Variants in AKAP9 observed in about 807,000 individuals in gnomAD.
AKAP9 encodes the protein A-kinase anchoring protein 9.
Under a neutral mutation model 488.5 loss-of-function variants are expected in AKAP9, and 311 were observed. The observed-to-expected ratio is 0.64, with a 90% CI of 0.58 to 0.70. The LOEUF (loss-of-function observed/expected upper bound fraction) is 0.70. Ranked by LOEUF, AKAP9 falls within the 30% of genes least tolerant of loss-of-function variation. The pLI, the probability that AKAP9 is intolerant of heterozygous loss-of-function variation, is 0.00. For missense variants in AKAP9, 4,215 were observed against 4,374.5 expected (o/e 0.96, Z 1.03); for synonymous variants, 1,462 against 1,483.5 (o/e 0.99, Z 0.33).
At chr7:91,993,206 C>G in intron 5 of AKAP9, 151 bp downstream of exon 5, 1 of 765,442 alleles carries the variant, frequency 1.3e-6, no homozygotes, top group South Asian at 1.9e-5. Flanking sequence ...TTTTTTTTTT[C>G]CATACAGGGT....
intron 4 of AKAP9, 65 bp downstream of exon 4, chr7:91,992,276 A>G: frequency 7.9e-7 from 1 of 1,261,334 alleles, no homozygotes; most frequent in South Asian, 1.2e-5. Flanking sequence ...CTGGCTTACT[A>G]ACAAAACTTT....
chr7:92,032,182 G>A (rs1037653737), intron 16 of AKAP9, among the ~76,000 whole-genome samples: 3 of 152,002 alleles, frequency 2.0e-5, no homozygotes, highest in Admixed American at 2.0e-4. Flanking sequence ...TTTTCAAAAC[G>A]TGTATACCTG....
chr7:92,044,004 C>G (rs2130787934), intron 20 of AKAP9, among the ~76,000 whole-genome samples: 1 of 152,274 alleles, frequency 6.6e-6, no homozygotes, highest in East Asian at 1.9e-4. Context: ...ATCAGGCAGT[C>G]TTCTGAATCA....
intron 7 of AKAP9, among the ~76,000 whole-genome samples, chr7:91,997,962 C>T (rs763855632): frequency 7.2e-5 from 11 of 152,250 alleles, no homozygotes; most frequent in Middle Eastern, 3.4e-3. Flanking sequence ...ATGAAATGGT[C>T]TTGGTTCCCT....
chr7:91,964,027 A>G (rs971991159), intron 1 of AKAP9, among the ~76,000 whole-genome samples: 2 of 152,060 alleles, frequency 1.3e-5, no homozygotes, highest in African/African-American at 4.8e-5. Flanking sequence ...CTCAAATTCA[A>G]TTTAGGAATA....
At position 92,102,192 on chromosome 7, in the gene AKAP9, AATAAATAAATAG is replaced by A. The variant is rs1288353428; in HGVS notation, c.11098-398_11098-387del. 2.2e-3 allele frequency among the ~76,000 whole-genome samples: 336 copies of A among 149,996 alleles called. 1 individual carries two copies. The highest frequency in any genetic ancestry group is 7.6e-3 in the African/African-American group (315 of 41,210). ...AAAAAAATAAATAAATAAATAAATAAATAAATAAATAGATAGATTAGTGACCCTAATAAAAAT... is the reference window on the plus strand; with the variant it reads ...AAAAAAATAAATAAATAAATAAATAAATAGATTAGTGACCCTAATAAAAAT... On this transcript the variant is annotated intron_variant, in intron 45 of 49. Transcript: ENST00000356239.
intron 1 of AKAP9, among the ~76,000 whole-genome samples, chr7:91,966,079 T>G (rs1344082501): frequency 6.6e-6 from 1 of 152,142 alleles, no homozygotes; most frequent in South Asian, 2.1e-4. Context: ...TAGAGATAGA[T>G]CTATGTCTCA....
intron 14 of AKAP9, among the ~76,000 whole-genome samples, chr7:92,029,104 A>C (rs1803792906): frequency 6.6e-6 from 1 of 151,858 alleles, no homozygotes; most frequent in African/African-American, 2.4e-5. Flanking sequence ...CAGAAATGAA[A>C]ATTATAATTT....
Position 92,003,195 on chromosome 7 carries a change from A to G in AKAP9, c.3278A>G (p.Asp1093Gly), listed in dbSNP as rs886062471. The part of the protein sequence containing the change: ...SLRATQPSEN[D>G]KLQKELNVLK... The stretch of plus-strand genomic sequence containing the variant: ...AGAGCAACTCAACCAAGTGAAAATG[A>G]TAAACTTCAGAAAGAACTCAATGTA... Residue 1093 changes from aspartate to glycine, a missense_variant, in exon 8 of 50, where the codon GAT becomes GGT. Asp to Gly is a moderately conservative substitution (Grantham distance 94, BLOSUM62 -1). Transcript: ENST00000356239. The G allele has an allele frequency of 5.0e-6, 8 of 1,610,930 alleles. No individual in the cohort carries two copies. Among genetic ancestry groups the G allele is most frequent in the Non-Finnish European group, 5.9e-6 (7 of 1,177,986 alleles).
chr7:91,942,621 C>A (rs920129105), intron 1 of AKAP9, among the ~76,000 whole-genome samples: 1 of 152,124 alleles, frequency 6.6e-6, no homozygotes, highest in South Asian at 2.1e-4. Context: ...ATTGCCTGCC[C>A]CCAGAAATGT....
intron 46 of AKAP9, among the ~76,000 whole-genome samples, chr7:92,104,680 T>A (rs1818238472): frequency 6.6e-6 from 1 of 152,146 alleles, no homozygotes; most frequent in African/African-American, 2.4e-5. Flanking sequence ...GGAGCACAAG[T>A]TTTATCTTAA....
chr7:92,077,205 G>T (rs1812755180), intron 29 of AKAP9, among the ~76,000 whole-genome samples, 198 bp downstream of exon 29: 2 of 146,964 alleles, frequency 1.4e-5, no homozygotes, highest in Non-Finnish European at 3.0e-5. Context: ...AAGCAATTCT[G>T]CCTCAGCCTC....
At chr7:92,078,456 T>G (rs1453522719) in intron 30 of AKAP9, among the ~76,000 whole-genome samples, 1 of 151,834 alleles carries the variant, frequency 6.6e-6, no homozygotes, top group Non-Finnish European at 1.5e-5. Flanking sequence ...ACTTTGTCTC[T>G]ACAAAAAATA....
At chr7:91,960,976 T>C (rs1207108641) in intron 1 of AKAP9, among the ~76,000 whole-genome samples, 1 of 152,220 alleles carries the variant, frequency 6.6e-6, no homozygotes, top group Non-Finnish European at 1.5e-5. Flanking sequence ...TTATCTCATT[T>C]ATTTCTCACA....
In AKAP9 at chr7:92,040,608, T is replaced by A. The variant is rs967239556; in HGVS notation, c.4693-66T>A. 23 of 1,151,924 alleles carry A rather than the reference T, an allele frequency of 2.0e-5. No homozygotes were observed. The African/African-American group carries it at 3.1e-4, about 16-fold the overall frequency. 71.4% of individuals were successfully genotyped at this position (1,151,924 alleles called of 1,614,324 possible). A position where few individuals can be genotyped will look rare whatever the true frequency, so the allele number is the denominator to read the frequency against. On this transcript the variant is annotated intron_variant, in intron 17 of 49. Transcript: ENST00000356239. ...CTTTCGTATTTGTTTACAATATTAA[T>A]GCTGACAGATTTTTACAAAATGTGT...
chr7:92,014,236 T>C lies in AKAP9; in HGVS notation c.3533-13T>C, dbSNP rs751381868. The C allele has an allele frequency of 2.5e-6, 4 of 1,579,326 alleles. No individual in the cohort carries two copies. Among genetic ancestry groups the C allele is most frequent in the Non-Finnish European group, 3.5e-6 (4 of 1,148,976 alleles). On this transcript the variant is annotated splice_polypyrimidine_tract_variant and intron_variant, in intron 9 of 49. Transcript: ENST00000356239. ...GTAAATTGAATTTCTTAATCCATTA[T>C]CTGTTCTATTAGGTGATGAAGGAAA...
In AKAP9 at chr7:91,980,352, G is replaced by T. The variant is rs780256627; in HGVS notation, c.351+19G>T. The T allele has an allele frequency of 7.4e-7, 1 of 1,347,798 alleles. No homozygotes were observed. The highest frequency in any genetic ancestry group is 1.4e-5 in the South Asian group (1 of 73,774). 83.5% of individuals were successfully genotyped at this position (1,347,798 alleles called of 1,614,324 possible). ...TTCAGAGGTAAGACTAAATTATATT[G>T]ATTTCTAATATCATAAATGTATATT... On this transcript the variant is annotated intron_variant, in intron 3 of 49. Coordinates refer to ENST00000356239, the MANE Select transcript of AKAP9 (RefSeq NM_005751.5).
At chr7:91,972,230 C>T (rs6969604) in intron 1 of AKAP9, among the ~76,000 whole-genome samples, 4,602 of 152,090 alleles carry the variant, frequency 0.03, 211 homozygotes, top group African/African-American at 0.1. Flanking sequence ...TCTCCTTTGG[C>T]CAAGTTACAA....
At chr7:91,976,444 A>G (rs1418336575) in intron 2 of AKAP9, among the ~76,000 whole-genome samples, 1 of 151,944 alleles carries the variant, frequency 6.6e-6, no homozygotes, top group Non-Finnish European at 1.5e-5. Context: ...GCTTGTCTTG[A>G]ACTCCTGGAT....
Sources: allele counts gnomAD v4.1 joint callset (sites outside exome capture counted in the v4.1 genomes callset), GRCh38; gene constraint gnomAD v4.1.1; transcripts MANE v1.5; gene names NCBI Gene and HGNC (gene_info 2026-07-23, HGNC 2026-07-21).